The following SH3PXD2A variants were observed in gnomAD, a reference collection of about 807,000 sequenced individuals.
The protein encoded by SH3PXD2A is SH3 and PX domains 2A, also known as SH3 and PX domain-containing protein 2A.
Under a neutral mutation model 115.2 loss-of-function variants are expected in SH3PXD2A, and 32 were observed. The observed-to-expected ratio is 0.28, with a 90% CI of 0.21 to 0.37. The LOEUF (loss-of-function observed/expected upper bound fraction) is 0.37. SH3PXD2A is among the 10% of genes least tolerant of loss of function. SH3PXD2A has a pLI of 1.00. For missense variants in SH3PXD2A, 1,328 were observed against 1,498.7 expected (o/e 0.89, Z 1.88); for synonymous variants, 610 against 629.1 (o/e 0.97, Z 0.45).
At chr10:103,700,955 T>C (rs2134141491) in intron 5 of SH3PXD2A, among the ~76,000 whole-genome samples, 1 of 151,460 alleles carries the variant, frequency 6.6e-6, no homozygotes, top group Non-Finnish European at 1.5e-5. Context: ...CCATCATCCA[T>C]CCATCCATCC....
rs377613115 is a variant in SH3PXD2A, at chr10:103,606,693, C to T, written c.1309-776G>A. On this transcript the variant is annotated intron_variant, in intron 13 of 14. Transcript: ENST00000369774. ...TGTTTTTTTGGTGGAGACGGGGTTT[C>T]GCTGTGTTGGCCGGGCTGGTCTCCA... 7.2e-5 allele frequency among the ~76,000 whole-genome samples: 11 copies of T among 152,288 alleles called. 1 individual carries two copies. The East Asian group carries it at 1.2e-3, about 16-fold the overall frequency.
At chr10:103,721,118 G>A (rs559259874) in intron 5 of SH3PXD2A, among the ~76,000 whole-genome samples, 2 of 152,332 alleles carry the variant, frequency 1.3e-5, no homozygotes, top group East Asian at 3.9e-4. Context: ...GCCCCTCCCT[G>A]CAAAAGTCAG....
intron 3 of SH3PXD2A, among the ~76,000 whole-genome samples, chr10:103,760,713 A>T: frequency 6.6e-6 from 1 of 151,984 alleles, no homozygotes. Context: ...GAGCTGGAGT[A>T]AAAATATGTT....
intron 2 of SH3PXD2A, among the ~76,000 whole-genome samples, chr10:103,775,039 AG>A (rs2038864760): frequency 6.6e-6 from 1 of 152,156 alleles, no homozygotes; most frequent in African/African-American, 2.4e-5. Context: ...ATAGGCCTGA[AG>A]GAACAGCCAG....
At chr10:103,755,259 T>TCACAA (rs1443569791) in intron 3 of SH3PXD2A, 1 of 152,138 alleles carries the variant, frequency 6.6e-6, no homozygotes, top group Non-Finnish European at 1.5e-5. Flanking sequence ...AATTACCAAA[T>TCACAA]CACAATCGTG....
rs1202685286 is a variant in SH3PXD2A at position 103,801,343 on chromosome 10, G to A, written c.92C>T (p.Thr31Ile). ...AGTCTGGGAGGTGGAGTCAGACCAG[G>A]TCACATTGATTATGTATACCTGTGG... is the stretch of plus-strand genomic sequence containing the variant. ...SKHYVYIINV[T>I]WSDSTSQTIY... The change falls in exon 2 of 15, where the codon ACC (threonine) becomes ATC (isoleucine). Residue 31 changes from threonine to isoleucine, a missense_variant. By Grantham distance (89) the Thr-to-Ile change is moderately conservative (BLOSUM62 -1). This residue lies in a region of SH3PXD2A where 110 missense variants were observed against 160.0 expected (regional missense o/e 0.69). Transcript: ENST00000369774. The A allele has an allele frequency of 3.1e-6, 5 of 1,610,088 alleles. No individual in the cohort carries two copies. In the South Asian group the frequency reaches 4.4e-5, roughly 14 times the overall value.
chr10:103,850,273 C>T (rs1353254678), intron 1 of SH3PXD2A, among the ~76,000 whole-genome samples: 1 of 152,102 alleles, frequency 6.6e-6, no homozygotes, highest in Non-Finnish European at 1.5e-5. Flanking sequence ...TAATTTCTAC[C>T]CTGGTTTGCC....
intron 10 of SH3PXD2A, among the ~76,000 whole-genome samples, chr10:103,617,923 A>G (rs554947477): frequency 6.6e-6 from 1 of 152,162 alleles, no homozygotes; most frequent in South Asian, 2.1e-4. Flanking sequence ...AGAGGAGTCC[A>G]TGGAACCCAG....
chr10:103,693,882 A>G (rs977131243), intron 5 of SH3PXD2A, among the ~76,000 whole-genome samples: 2 of 152,218 alleles, frequency 1.3e-5, no homozygotes, highest in Non-Finnish European at 2.9e-5. Flanking sequence ...TGTCAGAGAA[A>G]GTAACTGCTG....
intron 11 of SH3PXD2A, among the ~76,000 whole-genome samples, chr10:103,615,515 T>TAGG (rs2036503332): frequency 6.7e-6 from 1 of 148,524 alleles, no homozygotes; most frequent in African/African-American, 2.5e-5. Flanking sequence ...TGTGTGTGTG[T>TAGG]GTGTGTGTGT....
rs573123440 is a variant in SH3PXD2A at position 103,665,639 on chromosome 10, G to T, written c.472+2969C>A. Among the ~76,000 whole-genome samples, 31 of 152,270 alleles carry T rather than the reference G, an allele frequency of 2.0e-4. No homozygotes were observed. The highest frequency in any genetic ancestry group is 4.1e-4 in the Non-Finnish European group (28 of 68,014). On this transcript the variant is annotated intron_variant, in intron 7 of 14. Coordinates refer to ENST00000369774, the MANE Select transcript of SH3PXD2A (RefSeq NM_001394015.1). The surrounding 1 kb of genome is among the most constrained non-coding windows in gnomAD (Gnocchi z 4.0). The stretch of plus-strand genomic sequence containing the variant: ...GTTCCCTGGCCAGGGCAGCCGGGCG[G>T]GCGGGAGCTGCGAGCAGGTATCCAG...
chr10:103,766,963 G>T, intron 3 of SH3PXD2A, 131 bp downstream of exon 3: 2 of 661,120 alleles, frequency 3.0e-6, no homozygotes. Flanking sequence ...TCCCCTGGGG[G>T]AATTGTTCAT....
At chr10:103,765,841 C>G (rs1437438895) in intron 3 of SH3PXD2A, among the ~76,000 whole-genome samples, 1 of 152,216 alleles carries the variant, frequency 6.6e-6, no homozygotes, top group Non-Finnish European at 1.5e-5. Flanking sequence ...GCAAGGAATG[C>G]AAGTCACCCC....
At position 103,599,801 on chromosome 10, in the gene SH3PXD2A, T is replaced by C. The variant is rs573370162; in HGVS notation, c.*2015A>G. 1 of 152,796 alleles carries C rather than the reference T, an allele frequency of 6.5e-6. No individual in the cohort carries two copies. Among genetic ancestry groups the C allele is most frequent in the East Asian group, 1.9e-4 (1 of 5,192 alleles). The allele number at this position is 152,796 out of a possible 1,614,324, so 9.5% of individuals were successfully genotyped here. ...CAGATTAACTCAACATCCTGCTCTA[T>C]TTAATACTGTCCAGCAGAAGAAAAT... is the stretch of plus-strand genomic sequence containing the variant. On this transcript the variant is annotated 3_prime_UTR_variant, in exon 15 of 15. Coordinates refer to ENST00000369774, the MANE Select transcript of SH3PXD2A (RefSeq NM_001394015.1).
At chr10:103,809,876 A>T (rs10883914) in intron 1 of SH3PXD2A, among the ~76,000 whole-genome samples, 83,016 of 149,958 alleles carry the variant, frequency 0.55, 24,392 homozygotes, top group South Asian at 0.69. Flanking sequence ...TTTAGTAGAG[A>T]TGAGTTTTAC....
Position 103,602,559 on chromosome 10 carries a change from C to A in SH3PXD2A, c.2659G>T (p.Gly887Cys). ...WWYVRFGELE[G>C]WAPSHYLVLD... ...ACCAAATAGTGGGAAGGGGCCCAGC[C>A]CTCCAGCTCCCCAAACCTCACATAC... The change falls in exon 15 of 15, where the codon GGC becomes TGC. Residue 887 changes from glycine (G) to cysteine (C), a missense_variant. Around this residue, in one of 5 missense-constraint regions of SH3PXD2A, gnomAD observed 574 missense variants for 565.7 expected, o/e 1.01. Coordinates refer to ENST00000369774, the MANE Select transcript of SH3PXD2A (RefSeq NM_001394015.1). 1 of 1,614,156 alleles carries A rather than the reference C, an allele frequency of 6.2e-7. No individual in the cohort carries two copies. Among genetic ancestry groups the A allele is most frequent in the Non-Finnish European group, 8.5e-7 (1 of 1,180,016 alleles).
chr10:103,839,584 C>T (rs1589479302), intron 1 of SH3PXD2A, among the ~76,000 whole-genome samples: 1 of 151,740 alleles, frequency 6.6e-6, no homozygotes, highest in East Asian at 1.9e-4. Context: ...GCCACACAGC[C>T]CCTCCCCCAA....
chr10:103,607,393 G>A (rs1428360472), intron 13 of SH3PXD2A, among the ~76,000 whole-genome samples: 3 of 151,758 alleles, frequency 2.0e-5, no homozygotes, highest in African/African-American at 7.3e-5. Flanking sequence ...CACCCCGTCC[G>A]GGAGGGAGGT....
At chr10:103,652,181 C>T (rs73333341) in intron 8 of SH3PXD2A, among the ~76,000 whole-genome samples, 2,994 of 152,310 alleles carry the variant, frequency 0.02, 97 homozygotes, top group African/African-American at 0.067. Context: ...GGGGCTAAGA[C>T]AGTTGGATGA....
Sources: gnomAD v4.1 joint callset for allele counts (sites outside exome capture counted in the v4.1 genomes callset) on GRCh38, gnomAD v4.1.1 for gene constraint, gnomAD v4.1.1 regional missense constraint, Gnocchi (gnomAD v3.1) non-coding constraint, MANE v1.5 for transcripts, NCBI Gene and HGNC (gene_info 2026-07-23, HGNC 2026-07-21) for gene names.